Variants in PRKD3 observed in about 807,000 individuals in gnomAD.
The protein encoded by PRKD3 is protein kinase D3.
Under a neutral mutation model 99.2 loss-of-function variants are expected in PRKD3, and 47 were observed. The observed-to-expected ratio is 0.47, with a 90% CI of 0.38 to 0.60. PRKD3 has a LOEUF of 0.60. Among genes scored for constraint, PRKD3 ranks in the 20% least tolerant of loss-of-function variants. The probability of loss-of-function intolerance (pLI) is 0.00; values close to 1 mark genes in which losing one functional copy is unlikely to be tolerated. For synonymous variants in PRKD3, 392 were observed against 355.4 expected (o/e 1.10, Z -1.16); for missense variants, 1,019 against 1,088.4 (o/e 0.94, Z 0.90).
At chr2:37,271,247 G>T (rs1669243182) in intron 12 of PRKD3, among the ~76,000 whole-genome samples, 1 of 151,888 alleles carries the variant, frequency 6.6e-6, no homozygotes, top group African/African-American at 2.4e-5. Context: ...CTAGTCCAGG[G>T]GTTAGCAAAC....
At chr2:37,261,519 G>A (rs994804559) in intron 14 of PRKD3, among the ~76,000 whole-genome samples, 2 of 151,906 alleles carry the variant, frequency 1.3e-5, no homozygotes, top group Admixed American at 1.3e-4. Flanking sequence ...GGTGGCTCAC[G>A]CCTGTAATCC....
intron 6 of PRKD3, among the ~76,000 whole-genome samples, chr2:37,283,273 T>G (rs3819892): frequency 0.14 from 21,956 of 152,158 alleles, 1,767 homozygotes; most frequent in South Asian, 0.27. Context: ...ATCCCAGACC[T>G]ACTATATCAG....
chr2:37,278,241 A>C, intron 8 of PRKD3: 1 of 235,936 alleles, frequency 4.2e-6, no homozygotes, highest in Non-Finnish European at 8.3e-6. Context: ...AAAAATTAAA[A>C]ACAATGAGCG....
At chr2:37,290,784 C>A in intron 4 of PRKD3, 84 bp downstream of exon 4, 1 of 1,413,312 alleles carries the variant, frequency 7.1e-7, no homozygotes, top group Non-Finnish European at 9.7e-7. Context: ...GTCAACAGCT[C>A]GTCATCTTGC....
In PRKD3 at chr2:37,324,793, C is replaced by T. The variant is rs1480186267; in HGVS notation, c.-768G>A. On this transcript the variant is annotated 5_prime_UTR_variant, in exon 1 of 19. Transcript: ENST00000234179. ...AGGATCCCGCCCGCCTCCGGCGCCC[C>T]TTCCTCCCTCCCTCCCCGTCCCGTC... The T allele has an allele frequency of 2.0e-5, 3 of 150,860 alleles. No homozygotes were observed. Among genetic ancestry groups the T allele is most frequent in the African/African-American group, 7.3e-5 (3 of 41,264 alleles). The allele number at this position is 150,860 out of a possible 1,614,324, so 9.3% of individuals were successfully genotyped here.
rs1189580213 is a variant in PRKD3 at position 37,274,405 on chromosome 2, GAA to G, written c.1651+14_1651+15del. On this transcript the variant is annotated intron_variant, in intron 11 of 18. Transcript: ENST00000234179. The stretch of plus-strand genomic sequence containing the variant: ...ATTAAAGAGGAGAAAAAGCCATCAA[GAA>G]GTTTATTGCTTACTGTGATCTTTCC... 1.2e-6 allele frequency: 2 copies of G among 1,612,210 alleles called. No individual in the cohort carries two copies. Among genetic ancestry groups the G allele is most frequent in the African/African-American group, 2.7e-5 (2 of 74,850 alleles).
At chr2:37,264,526 T>TGGGGGGGGGGGGGGGG (rs1558532428) in intron 14 of PRKD3, among the ~76,000 whole-genome samples, 1 of 9,432 alleles carries the variant, frequency 1.1e-4, no homozygotes, top group African/African-American at 5.4e-4. Context: ...AGTGGAGGGG[T>TGGGGGGGGGGGGGGGG]GGGAGGGTGG....
intron 15 of PRKD3, 135 bp downstream of exon 15, chr2:37,260,088 C>G (rs1388861788): frequency 9.3e-6 from 7 of 751,370 alleles, no homozygotes; most frequent in Non-Finnish European, 1.5e-5. Flanking sequence ...TCACTTGAAT[C>G]CAGGAGGCAG....
intron 6 of PRKD3, 32 bp from the exon 7 acceptor site, chr2:37,282,651 T>A: frequency 6.9e-7 from 1 of 1,451,372 alleles, no homozygotes; most frequent in Non-Finnish European, 9.7e-7. Flanking sequence ...TATTAATTTA[T>A]GTAAAAGTCA....
intron 1 of PRKD3, chr2:37,317,676 T>C (rs1486870604): frequency 2.6e-5 from 4 of 152,192 alleles, no homozygotes; most frequent in Non-Finnish European, 5.9e-5. Context: ...TGTTGAAACA[T>C]TCCTTTCAGA....
chr2:37,279,184 A>C (rs948225482), intron 8 of PRKD3: 1 of 152,202 alleles, frequency 6.6e-6, no homozygotes, highest in African/African-American at 2.4e-5. Context: ...ACAAGGTAGT[A>C]TATCATTTAG....
At chr2:37,263,189 G>C (rs946932645) in intron 14 of PRKD3, among the ~76,000 whole-genome samples, 11 of 152,024 alleles carry the variant, frequency 7.2e-5, no homozygotes, top group African/African-American at 2.7e-4. Context: ...TTTTCTGAAA[G>C]ACAGTACAAA....
intron 5 of PRKD3, among the ~76,000 whole-genome samples, chr2:37,288,361 C>A (rs1445408087): frequency 6.6e-6 from 1 of 152,198 alleles, no homozygotes; most frequent in African/African-American, 2.4e-5. Flanking sequence ...AAAAATCTCA[C>A]ACTAGGGCTA....
chr2:37,300,747 G>T (rs985774064), intron 2 of PRKD3, among the ~76,000 whole-genome samples: 2 of 152,164 alleles, frequency 1.3e-5, no homozygotes, highest in African/African-American at 4.8e-5. Flanking sequence ...GTGAGTATGA[G>T]CAATACCCAA....
At position 37,323,988 on chromosome 2, in the gene PRKD3, G is replaced by C. The variant is rs565647308; in HGVS notation, c.-656+693C>G. ...GACGGCAAGGCCTATGCCTCTGACT[G>C]CGTTCACCTGAAATAAAATACCCAA... is the stretch of plus-strand genomic sequence containing the variant. On this transcript the variant is annotated intron_variant, in intron 1 of 18. Transcript: ENST00000234179. 4.8e-4 allele frequency among the ~76,000 whole-genome samples: 73 copies of C among 152,304 alleles called. No individual in the cohort carries two copies. In the South Asian group the frequency reaches 0.015, roughly 31 times the overall value.
chr2:37,281,962 G>A (rs895866552), intron 7 of PRKD3, among the ~76,000 whole-genome samples: 3 of 152,156 alleles, frequency 2.0e-5, no homozygotes, highest in Non-Finnish European at 4.4e-5. Context: ...AGGGAAAATG[G>A]ACAACGATTA....
At chr2:37,270,360 A>AG (rs1353711282) in intron 12 of PRKD3, among the ~76,000 whole-genome samples, 1 of 151,602 alleles carries the variant, frequency 6.6e-6, no homozygotes, top group East Asian at 1.9e-4. Context: ...GGAAAAAAAA[A>AG]AAAAAAAACT....
chr2:37,278,116 CAA>C (rs775391444), intron 8 of PRKD3, 127 bp from the exon 9 acceptor site: 19 of 629,008 alleles, frequency 3.0e-5, no homozygotes, highest in Non-Finnish European at 4.4e-5. Context: ...GTAAAATAAA[CAA>C]TGGCTGAAGA....
At chr2:37,258,602 T>G (rs1467489823) in intron 16 of PRKD3, among the ~76,000 whole-genome samples, 1 of 152,198 alleles carries the variant, frequency 6.6e-6, no homozygotes, top group Non-Finnish European at 1.5e-5. Context: ...TGTCTACTAT[T>G]TTGAAGATCA....
Sources: allele counts gnomAD v4.1 joint callset (sites outside exome capture counted in the v4.1 genomes callset), GRCh38; gene constraint gnomAD v4.1.1; transcripts MANE v1.5; gene names NCBI Gene and HGNC (gene_info 2026-07-23, HGNC 2026-07-21).